HK2: variants seen among roughly 807,000 people sequenced by gnomAD.
HK2 encodes the protein hexokinase 2.
A neutral mutation model predicts 92.9 loss-of-function variants in HK2; 42 were observed. The ratio of observed to expected loss-of-function variants is 0.45; its 90% CI spans 0.35 to 0.58. The LOEUF (loss-of-function observed/expected upper bound fraction) is 0.58. Among genes scored for constraint, HK2 ranks in the 20% least tolerant of loss-of-function variants. The pLI is 0.00. For missense variants in HK2, 978 were observed against 1,245.1 expected, an observed-to-expected ratio of 0.79 and a Z score of 3.23; for synonymous variants, 422 against 468.0, an observed-to-expected ratio of 0.90 and a Z score of 1.27.
chr2:74,878,388 T>C (rs1404780422), intron 8 of HK2, among the ~76,000 whole-genome samples: 1 of 151,198 alleles, frequency 6.6e-6, no homozygotes. Context: ...TAAGAAATAC[T>C]TGTGTTTCTC....
chr2:74,856,188 T>C (rs1309688395), intron 2 of HK2, among the ~76,000 whole-genome samples: 1 of 152,122 alleles, frequency 6.6e-6, no homozygotes, highest in Non-Finnish European at 1.5e-5. Context: ...TCAGGGCTTG[T>C]TAATGCCACG....
At chr2:74,881,391 T>C (rs1689387709) in intron 10 of HK2, among the ~76,000 whole-genome samples, 1 of 152,192 alleles carries the variant, frequency 6.6e-6, no homozygotes, top group African/African-American at 2.4e-5. Flanking sequence ...GTGATTTAAC[T>C]ATCAGCCAGA....
intron 7 of HK2, among the ~76,000 whole-genome samples, chr2:74,876,281 C>A (rs917179775): frequency 6.6e-5 from 10 of 152,204 alleles, no homozygotes; most frequent in African/African-American, 2.4e-4. Context: ...ACATCTCAGT[C>A]CTGGGCCTCC....
At chr2:74,836,018 G>A (rs1039675973) in intron 1 of HK2, among the ~76,000 whole-genome samples, 8 of 152,118 alleles carry the variant, frequency 5.3e-5, no homozygotes, top group African/African-American at 1.9e-4. Context: ...GATTTACTTG[G>A]GTTTTACTGT....
intron 1 of HK2, among the ~76,000 whole-genome samples, chr2:74,837,866 G>A (rs1688205061): frequency 6.6e-6 from 1 of 151,886 alleles, no homozygotes; most frequent in African/African-American, 2.4e-5. Context: ...AGTAGAGACA[G>A]GGTTTCACCA....
At chr2:74,873,212 AG>A in intron 4 of HK2, 63 bp from the exon 5 acceptor site, 4 of 1,175,044 alleles carry the variant, frequency 3.4e-6, no homozygotes, top group Non-Finnish European at 5.1e-6. Flanking sequence ...CGGAGGTTTG[AG>A]GGGTGTGGTG....
chr2:74,864,313 T>C (rs1688898889), intron 2 of HK2, among the ~76,000 whole-genome samples: 1 of 152,240 alleles, frequency 6.6e-6, no homozygotes, highest in Non-Finnish European at 1.5e-5. Context: ...GTAGCTACTC[T>C]GGACATGCCA....
In HK2 at chr2:74,891,081, C is replaced by T. The variant is rs928879858; in HGVS notation, c.*140C>T. On this transcript the variant is annotated 3_prime_UTR_variant, in exon 18 of 18. Transcript: ENST00000290573. ...GACCCCACTGGACTGGGTTTTGTCT[C>T]TGCATCTCATTGTAGAGCTTGGTGG... The T allele has an allele frequency of 5.3e-6, 5 of 942,094 alleles. No homozygotes were observed. Among genetic ancestry groups the T allele is most frequent in the African/African-American group, 4.9e-5 (3 of 61,228 alleles). The allele number at this position is 942,094 out of a possible 1,614,324, so 58.4% of individuals were successfully genotyped here.
At chr2:74,888,153 A>C in intron 16 of HK2, 95 bp downstream of exon 16, 4 of 1,370,696 alleles carry the variant, frequency 2.9e-6, no homozygotes, top group Non-Finnish European at 3.1e-6. Context: ...GGCATGACTC[A>C]TACAAAAGTC....
At position 74,886,378 on chromosome 2, in the gene HK2, G is replaced by A; in HGVS notation, c.2020G>A (p.Val674Ile). Residue 674 changes from valine (V) to isoleucine (I), a missense_variant, in exon 14 of 18, where the codon GTT becomes ATT. Physicochemically the swap from Val to Ile is conservative, Grantham distance 29. Around this residue, in one of 3 missense-constraint regions of HK2, gnomAD observed 742 missense variants for 922.5 expected, o/e 0.80. Transcript: ENST00000290573. ...TCGFEDPHCE[V>I]GLIVGTGSNA... ...TGGCTTTGAAGACCCTCACTGTGAA[G>A]TTGGCCTCATTGTTGGTAAGGACCC... 1 of 1,614,160 alleles carries A rather than the reference G, an allele frequency of 6.2e-7. No homozygotes were observed. The highest frequency in any genetic ancestry group is 8.5e-7 in the Non-Finnish European group (1 of 1,180,014).
chr2:74,867,769 A>AGGCAGT lies in HK2; in HGVS notation c.365_370dup (p.Ser122_Gly123dup), dbSNP rs1558797402. ...ATGCCATCCCTGAGGACATCATGCG[A>AGGCAGT]GGCAGTGGCACCCAGGTATGACCCT... On this transcript the variant is annotated inframe_insertion, in exon 3 of 18. Transcript: ENST00000290573. 6.2e-7 allele frequency: 1 copy of AGGCAGT among 1,614,170 alleles called. No homozygotes were observed. The highest frequency in any genetic ancestry group is 8.5e-7 in the Non-Finnish European group (1 of 1,180,018).
At chr2:74,843,087 C>T (rs140422536) in intron 1 of HK2, among the ~76,000 whole-genome samples, 9 of 152,318 alleles carry the variant, frequency 5.9e-5, no homozygotes, top group Non-Finnish European at 8.8e-5. Flanking sequence ...AAATCATTTG[C>T]AGTGCCCTGT....
chr2:74,863,651 G>A (rs1344420009), intron 2 of HK2, among the ~76,000 whole-genome samples: 1 of 152,134 alleles, frequency 6.6e-6, no homozygotes, highest in Non-Finnish European at 1.5e-5. Flanking sequence ...TTCATTTGGA[G>A]TATATGCCAT....
At position 74,834,685 on chromosome 2, in the gene HK2, A is replaced by C; in HGVS notation, c.63+42A>C. 6.2e-7 allele frequency: 1 copy of C among 1,600,166 alleles called. No individual in the cohort carries two copies. On this transcript the variant is annotated intron_variant, in intron 1 of 17. Transcript: ENST00000290573. The surrounding 1 kb of genome is among the most constrained non-coding windows in gnomAD (Gnocchi z 4.2). Reference sequence around the variant, plus strand: ...GGGGCGGCAGGCTGGGCTCTGGCAAAGTGGTCTGGCCTCCATCAGTCTCTT... The same window carrying C: ...GGGGCGGCAGGCTGGGCTCTGGCAACGTGGTCTGGCCTCCATCAGTCTCTT...
At chr2:74,873,162 A>G (rs926304375) in intron 4 of HK2, 114 bp from the exon 5 acceptor site, 15 of 831,358 alleles carry the variant, frequency 1.8e-5, no homozygotes, top group South Asian at 6.7e-5. Context: ...CACAAATTCA[A>G]TCATGACTTT....
At chr2:74,886,725 C>G (rs763062405) in intron 15 of HK2, 52 bp downstream of exon 15, 1 of 1,573,744 alleles carries the variant, frequency 6.4e-7, no homozygotes, top group Non-Finnish European at 8.7e-7. Context: ...TGGATGGCAA[C>G]AAGTGATCAG....
At chr2:74,836,942 G>T (rs1688181343) in intron 1 of HK2, among the ~76,000 whole-genome samples, 1 of 152,120 alleles carries the variant, frequency 6.6e-6, no homozygotes, top group Admixed American at 6.5e-5. Flanking sequence ...GAAGGCTTGG[G>T]TTCACCTGCC....
At chr2:74,867,386 G>T (rs1254312934) in intron 2 of HK2, among the ~76,000 whole-genome samples, 1 of 151,500 alleles carries the variant, frequency 6.6e-6, no homozygotes, top group Non-Finnish European at 1.5e-5. Flanking sequence ...AGGATGGGAA[G>T]GGAGTGAGGG....
intron 7 of HK2, among the ~76,000 whole-genome samples, chr2:74,876,770 C>T (rs909812661): frequency 6.6e-6 from 1 of 152,122 alleles, no homozygotes; most frequent in African/African-American, 2.4e-5. Flanking sequence ...CTAATCAGAT[C>T]GCCTTTTTTC....
Sources: allele counts gnomAD v4.1 joint callset (sites outside exome capture counted in the v4.1 genomes callset), GRCh38; gene constraint gnomAD v4.1.1; regional missense constraint gnomAD v4.1.1; non-coding constraint Gnocchi (gnomAD v3.1); transcripts MANE v1.5; gene names NCBI Gene and HGNC (gene_info 2026-07-23, HGNC 2026-07-21).